Variants in CCNY observed in about 807,000 individuals in gnomAD.
CCNY encodes the protein cyclin-Y.
Under a neutral mutation model 42.8 loss-of-function variants are expected in CCNY, and 19 were observed. The ratio of observed to expected loss-of-function variants is 0.44; its 90% confidence interval spans 0.31 to 0.65. CCNY has a LOEUF of 0.65. Among genes scored for constraint, CCNY ranks in the 30% least tolerant of loss-of-function variants. CCNY has a pLI of 0.07. For synonymous variants in CCNY, 165 were observed against 162.7 expected (o/e 1.01, Z -0.11); for missense variants, 370 against 437.3 (o/e 0.85, Z 1.37).
At chr10:35,526,317 A>G (rs1039924257) in intron 5 of CCNY, among the ~76,000 whole-genome samples, 2 of 152,308 alleles carry the variant, frequency 1.3e-5, no homozygotes, top group African/African-American at 4.8e-5. Flanking sequence ...TGTCACTTTA[A>G]AAGTTCACTG....
intron 1 of CCNY, among the ~76,000 whole-genome samples, chr10:35,482,972 T>C (rs1839706976): frequency 6.6e-6 from 1 of 152,218 alleles, no homozygotes. Context: ...GCAGAGTATG[T>C]GGATGCTGAT....
At chr10:35,508,555 G>A (rs1293879093) in intron 3 of CCNY, among the ~76,000 whole-genome samples, 3 of 152,202 alleles carry the variant, frequency 2.0e-5, no homozygotes, top group African/African-American at 7.2e-5. Flanking sequence ...TGGACACCAT[G>A]TGTGCTCATT....
intron 1 of CCNY, among the ~76,000 whole-genome samples, chr10:35,445,997 A>G (rs899059399): frequency 6.6e-6 from 1 of 152,176 alleles, no homozygotes; most frequent in African/African-American, 2.4e-5. Flanking sequence ...CTTTACTCTC[A>G]TAAGAAAAGT....
intron 8 of CCNY, among the ~76,000 whole-genome samples, 184 bp downstream of exon 8, chr10:35,553,369 A>C (rs563673413): frequency 2.4e-4 from 37 of 152,310 alleles, no homozygotes; most frequent in African/African-American, 8.2e-4. Context: ...TGCATTTCTC[A>C]TCATGTGGAT....
Position 35,413,970 on chromosome 10 carries a change from A to G in CCNY, c.155-69434A>G, listed in dbSNP as rs76727087. Among the ~76,000 whole-genome samples the G allele has an allele frequency of 1.9e-3, 291 of 152,344 alleles. 1 individual carries two copies. Among genetic ancestry groups the G allele is most frequent in the Non-Finnish European group, 3.4e-3 (234 of 68,034 alleles). ...AGCCACTGAGGCTGACCTGGACTTC[A>G]CTGGTTCCCCTCTGCAGTTGAGCTG... On this transcript the variant is annotated intron_variant, in intron 1 of 9. Transcript: ENST00000374704.
chr10:35,448,830 C>T (rs1249776446), intron 1 of CCNY, among the ~76,000 whole-genome samples: 6 of 152,012 alleles, frequency 3.9e-5, no homozygotes, highest in Admixed American at 3.9e-4. Flanking sequence ...CAGACGTGCT[C>T]CTAATGCAGT....
intron 1 of CCNY, among the ~76,000 whole-genome samples, chr10:35,465,480 C>T (rs943652630): frequency 6.6e-6 from 1 of 152,118 alleles, no homozygotes; most frequent in African/African-American, 2.4e-5. Context: ...ACATAAACAC[C>T]AGCAGTCAAA....
chr10:35,515,773 A>G (rs1840415288), intron 3 of CCNY, among the ~76,000 whole-genome samples: 1 of 152,204 alleles, frequency 6.6e-6, no homozygotes, highest in Non-Finnish European at 1.5e-5. Context: ...GTGTTCAACT[A>G]GGTGTCATCA....
chr10:35,364,850 A>T (rs980094068), intron 1 of CCNY, among the ~76,000 whole-genome samples: 7 of 152,186 alleles, frequency 4.6e-5, no homozygotes, highest in South Asian at 2.1e-4. Flanking sequence ...TATAAATCTG[A>T]TTGGGAAATG....
chr10:35,414,216 G>A (rs1030887951), intron 1 of CCNY, among the ~76,000 whole-genome samples: 6 of 152,312 alleles, frequency 3.9e-5, no homozygotes, highest in African/African-American at 4.8e-5. Context: ...AGTCTCTGAC[G>A]AGGCTGCAGT....
intron 1 of CCNY, chr10:35,449,845 G>A (rs776293146): frequency 2.7e-5 from 26 of 978,286 alleles, no homozygotes; most frequent in Middle Eastern, 1.0e-3. Flanking sequence ...GTTGGAGGTT[G>A]GGGGAGAGAC....
intron 3 of CCNY, among the ~76,000 whole-genome samples, chr10:35,313,500 G>A (rs1835714311): frequency 1.3e-5 from 2 of 152,048 alleles, no homozygotes. Flanking sequence ...CTTTTTCACT[G>A]TCAACAAAGT....
At chr10:35,473,252 C>T (rs1839426645) in intron 1 of CCNY, among the ~76,000 whole-genome samples, 1 of 152,228 alleles carries the variant, frequency 6.6e-6, no homozygotes, top group Non-Finnish European at 1.5e-5. Flanking sequence ...GCCACATGCC[C>T]ACCTGCCTCG....
chr10:35,432,500 CTG>C (rs1260548221), intron 1 of CCNY, among the ~76,000 whole-genome samples: 1 of 152,164 alleles, frequency 6.6e-6, no homozygotes, highest in Admixed American at 6.5e-5. Flanking sequence ...GACTTAATAA[CTG>C]AACATACTGT....
intron 1 of CCNY, among the ~76,000 whole-genome samples, chr10:35,393,503 G>A (rs1022308496): frequency 6.6e-6 from 1 of 152,152 alleles, no homozygotes; most frequent in Non-Finnish European, 1.5e-5. Context: ...AGGGACACCT[G>A]CCTTGCTCAC....
At position 35,299,322 on chromosome 10, in the gene CCNY, A is replaced by G. The variant is rs1203887481; in HGVS notation, c.-9+48696A>G. ...TGTTCAAGTCTTCTGTATTCATACCAGTTTTCTGTCTGCTATTTCTATCAA... is the reference window on the plus strand; with the variant it reads ...TGTTCAAGTCTTCTGTATTCATACCGGTTTTCTGTCTGCTATTTCTATCAA... On this transcript the variant is annotated intron_variant, in intron 3 of 11. Transcript: ENST00000374706. Among the ~76,000 whole-genome samples, 30 of 152,212 alleles carry G rather than the reference A, an allele frequency of 2.0e-4. 1 individual carries two copies. Among genetic ancestry groups the G allele is most frequent in the Admixed American group, 1.9e-3 (29 of 15,278 alleles).
chr10:35,451,373 C>G (rs1261608187), intron 1 of CCNY, among the ~76,000 whole-genome samples: 1 of 152,190 alleles, frequency 6.6e-6, no homozygotes, highest in African/African-American at 2.4e-5. Flanking sequence ...TTCATGTATA[C>G]TTGGGCACTT....
intron 1 of CCNY, among the ~76,000 whole-genome samples, chr10:35,339,813 G>T (rs1290248888): frequency 6.6e-6 from 1 of 152,068 alleles, no homozygotes. Context: ...GTGCTTAATG[G>T]CAACTTAATG....
chr10:35,258,087 G>A (rs1289854849), intron 3 of CCNY, among the ~76,000 whole-genome samples: 1 of 151,972 alleles, frequency 6.6e-6, no homozygotes, highest in Non-Finnish European at 1.5e-5. Context: ...TGTTTCTTTG[G>A]GAGGCAGAGG....
Sources: gnomAD v4.1 joint callset for allele counts (sites outside exome capture counted in the v4.1 genomes callset) on GRCh38, gnomAD v4.1.1 for gene constraint, MANE v1.5 for transcripts, NCBI Gene and HGNC (gene_info 2026-07-23, HGNC 2026-07-21) for gene names.